XPR1: variants seen among roughly 807,000 people sequenced by gnomAD.
XPR1 encodes solute carrier family 53 member 1.
Under a neutral mutation model 87.5 loss-of-function variants are expected in XPR1, and 28 were observed. That is an observed-to-expected ratio of 0.32 (90% CI 0.24 to 0.44). The LOEUF (loss-of-function observed/expected upper bound fraction) is 0.44. Among genes scored for constraint, XPR1 ranks in the 20% least tolerant of loss-of-function variants. The pLI, the probability that XPR1 is intolerant of heterozygous loss-of-function variation, is 1.00. For synonymous variants in XPR1, 300 were observed against 306.1 expected (o/e 0.98, Z 0.21); for missense variants, 559 against 862.3 (o/e 0.65, Z 4.41).
chr1:180,648,720 C>G (rs1349076590), intron 1 of XPR1, among the ~76,000 whole-genome samples: 1 of 152,146 alleles, frequency 6.6e-6, no homozygotes, highest in Admixed American at 6.5e-5. Context: ...GTTGCCCAGG[C>G]TGGTCTCAGA....
At chr1:180,686,373 C>A (rs1302342608) in intron 2 of XPR1, among the ~76,000 whole-genome samples, 2 of 152,052 alleles carry the variant, frequency 1.3e-5, no homozygotes, top group African/African-American at 4.8e-5. Flanking sequence ...AATTTCTGTT[C>A]TTTTACATTT....
At chr1:180,665,014 T>C (rs1216224649) in intron 1 of XPR1, among the ~76,000 whole-genome samples, 2 of 152,216 alleles carry the variant, frequency 1.3e-5, no homozygotes, top group Non-Finnish European at 2.9e-5. Flanking sequence ...GCACTTCCTA[T>C]ATTCATCCAT....
Position 180,825,292 on chromosome 1 carries a change from A to T in XPR1, c.1082A>T (p.Asn361Ile). 1.9e-6 allele frequency: 3 copies of T among 1,613,908 alleles called. No individual in the cohort carries two copies. The highest frequency in any genetic ancestry group is 2.5e-6 in the Non-Finnish European group (3 of 1,179,952). ...GGATTTATGGTTTTCTTCCTTATCA[A>T]CCCCACCAAAACTTTCTACTATAAA... ...LYGFMVFFLI[N>I]PTKTFYYKSR... The change falls in exon 9 of 15, where the codon AAC (asparagine) becomes ATC (isoleucine). Residue 361 changes from asparagine to isoleucine, a missense_variant. Around this residue, in one of 7 missense-constraint regions of XPR1, gnomAD observed 264 missense variants for 377.2 expected, o/e 0.70. Transcript: ENST00000367590.
chr1:180,668,892 C>G lies in XPR1; in HGVS notation c.70-13468C>G, dbSNP rs553388176. On this transcript the variant is annotated intron_variant, in intron 1 of 14. Coordinates refer to ENST00000367590, the MANE Select transcript of XPR1 (RefSeq NM_004736.4). ...ATCACTTGAGGTCAGGAGTTCAGGA[C>G]CAGCCTGGCCAACATGGTGAAATCC... 7.2e-5 allele frequency among the ~76,000 whole-genome samples: 11 copies of G among 152,152 alleles called. No individual in the cohort carries two copies. The East Asian group carries it at 2.1e-3, about 29-fold the overall frequency.
intron 7 of XPR1, among the ~76,000 whole-genome samples, chr1:180,824,026 T>G (rs988712789): frequency 6.6e-6 from 1 of 152,238 alleles, no homozygotes; most frequent in Non-Finnish European, 1.5e-5. Flanking sequence ...ATGGCAACTC[T>G]GTGAGGTAGA....
At chr1:180,682,522 CT>C (rs1035198595) in intron 2 of XPR1, 111 bp downstream of exon 2, 100 of 511,764 alleles carry the variant, frequency 2.0e-4, no homozygotes, top group Admixed American at 7.5e-4. Context: ...TTATATAGGT[CT>C]TTTTTTCCCT....
At chr1:180,688,052 T>A (rs932094376) in intron 2 of XPR1, among the ~76,000 whole-genome samples, 2 of 147,550 alleles carry the variant, frequency 1.4e-5, no homozygotes, top group Non-Finnish European at 3.0e-5. Flanking sequence ...GTTATTAATT[T>A]TTTTTTTTTT....
chr1:180,692,733 T>C (rs555645406), intron 2 of XPR1, among the ~76,000 whole-genome samples: 3 of 152,158 alleles, frequency 2.0e-5, no homozygotes, highest in Non-Finnish European at 2.9e-5. Flanking sequence ...TATCTACTTC[T>C]TTTTCACAGA....
At chr1:180,754,175 G>A (rs1647636910) in intron 2 of XPR1, among the ~76,000 whole-genome samples, 1 of 152,160 alleles carries the variant, frequency 6.6e-6, no homozygotes, top group African/African-American at 2.4e-5. Context: ...CTGATAGAAT[G>A]TCAGTTTCCT....
intron 1 of XPR1, among the ~76,000 whole-genome samples, chr1:180,678,529 T>G (rs1656439508): frequency 6.6e-6 from 1 of 152,232 alleles, no homozygotes; most frequent in African/African-American, 2.4e-5. Flanking sequence ...TTGCTTCAAA[T>G]TCTGTATAAG....
At chr1:180,646,766 G>A (rs931779290) in intron 1 of XPR1, among the ~76,000 whole-genome samples, 8 of 152,142 alleles carry the variant, frequency 5.3e-5, no homozygotes, top group South Asian at 2.1e-4. Context: ...GGAAAGAGGC[G>A]TGGGTGGAAG....
chr1:180,684,596 A>G lies in XPR1; in HGVS notation c.121+2185A>G, dbSNP rs533799269. On this transcript the variant is annotated intron_variant, in intron 2 of 14. Coordinates refer to ENST00000367590, the MANE Select transcript of XPR1 (RefSeq NM_004736.4). Reference sequence around the variant, plus strand: ...CCTTGGGCAGTATGGCCATTTTCACAATATTGATTCTTCCTACCCATGAGC... The same window carrying G: ...CCTTGGGCAGTATGGCCATTTTCACGATATTGATTCTTCCTACCCATGAGC... 1.6e-3 allele frequency among the ~76,000 whole-genome samples: 244 copies of G among 152,092 alleles called. 2 individuals carry two copies. Among genetic ancestry groups the G allele is most frequent in the African/African-American group, 5.3e-3 (219 of 41,468 alleles).
intron 11 of XPR1, among the ~76,000 whole-genome samples, chr1:180,837,469 G>C (rs1454957122): frequency 6.6e-6 from 1 of 150,512 alleles, no homozygotes; most frequent in Non-Finnish European, 1.5e-5. Flanking sequence ...TTTTTTCAGT[G>C]ATTTTTTTTT....
chr1:180,639,784 A>G (rs1272126087), intron 1 of XPR1, among the ~76,000 whole-genome samples: 1 of 152,196 alleles, frequency 6.6e-6, no homozygotes, highest in Non-Finnish European at 1.5e-5. Flanking sequence ...CATATACTGT[A>G]TTAGAAGTTT....
chr1:180,635,842 C>T lies in XPR1; in HGVS notation c.69+3572C>T, dbSNP rs759658038. Among the ~76,000 whole-genome samples, 10 of 152,184 alleles carry T rather than the reference C, an allele frequency of 6.6e-5. No individual in the cohort carries two copies. In the East Asian group the frequency reaches 7.7e-4, roughly 12 times the overall value. ...ACTTGATTTCTAAGCTCACAACCCC[C>T]GTATTATTTAAGGACTCATCCAGCT... On this transcript the variant is annotated intron_variant, in intron 1 of 14. Coordinates refer to ENST00000367590, the MANE Select transcript of XPR1 (RefSeq NM_004736.4).
intron 3 of XPR1, among the ~76,000 whole-genome samples, chr1:180,793,331 G>T (rs1649455151): frequency 6.6e-6 from 1 of 152,028 alleles, no homozygotes; most frequent in African/African-American, 2.4e-5. Context: ...TTATACAAGA[G>T]GAATTTGAGG....
chr1:180,702,595 C>G (rs146349183), intron 2 of XPR1, among the ~76,000 whole-genome samples: 23 of 151,908 alleles, frequency 1.5e-4, no homozygotes, highest in African/African-American at 5.3e-4. Flanking sequence ...TCGATTGTAT[C>G]TTTTATTTCA....
At position 180,887,204 on chromosome 1, in the gene XPR1, A is replaced by C. The variant is rs972361369; in HGVS notation, c.*3138A>C. ...CAAAAACAAACAAAAAAAATCACAG[A>C]CTCATTTTAAAGGAGCAGCAACCTA... On this transcript the variant is annotated 3_prime_UTR_variant, in exon 15 of 15. Coordinates refer to ENST00000367590, the MANE Select transcript of XPR1 (RefSeq NM_004736.4). 6.6e-6 allele frequency: 1 copy of C among 152,136 alleles called. No individual in the cohort carries two copies. The allele number at this position is 152,136 out of a possible 1,614,324, so 9.4% of individuals were successfully genotyped here.
chr1:180,766,863 C>G (rs1002302415), intron 2 of XPR1, among the ~76,000 whole-genome samples: 1 of 152,154 alleles, frequency 6.6e-6, no homozygotes, highest in African/African-American at 2.4e-5. Context: ...TGCTTCCTAA[C>G]TCCATTTGAC....
Sources: allele counts gnomAD v4.1 joint callset (sites outside exome capture counted in the v4.1 genomes callset), GRCh38; gene constraint gnomAD v4.1.1; regional missense constraint gnomAD v4.1.1; transcripts MANE v1.5; gene names NCBI Gene and HGNC (gene_info 2026-07-23, HGNC 2026-07-21).